The following COL23A1 variants were observed in gnomAD, a reference collection of about 807,000 sequenced individuals.
COL23A1 encodes the protein collagen type XXIII alpha 1 chain, also known as collagen alpha-1(XXIII) chain.
In COL23A1, 97 loss-of-function variants were observed where a neutral mutation model predicts 99.3. The ratio of observed to expected loss-of-function variants is 0.98; its 90% CI spans 0.83 to 1.16. The LOEUF is 1.16. COL23A1 is among the 50% of genes most tolerant of loss of function. The pLI is 0.00. For synonymous variants in COL23A1, 320 were observed against 308.2 expected, an observed-to-expected ratio of 1.04 and a Z score of -0.40; for missense variants, 762 against 757.4, an observed-to-expected ratio of 1.01 and a Z score of -0.07.
At chr5:178,298,938 G>GT (rs1757890432) in intron 3 of COL23A1, among the ~76,000 whole-genome samples, 1 of 152,192 alleles carries the variant, frequency 6.6e-6, no homozygotes, top group South Asian at 2.1e-4. Flanking sequence ...CGATCATGTG[G>GT]TTTTATCTCT....
chr5:178,529,621 A>C (rs985293963), intron 2 of COL23A1, among the ~76,000 whole-genome samples: 2 of 152,176 alleles, frequency 1.3e-5, no homozygotes, highest in African/African-American at 4.8e-5. Context: ...ACTGACCAAT[A>C]GAGGGACAGA....
rs1468612186 is a variant in COL23A1 at position 178,392,039 on chromosome 5, C to T, written c.362-85120G>A. 1.3e-5 allele frequency among the ~76,000 whole-genome samples: 2 copies of T among 151,400 alleles called. 1 individual carries two copies. Among genetic ancestry groups the T allele is most frequent in the East Asian group, 3.9e-4 (2 of 5,164 alleles). On this transcript the variant is annotated intron_variant, in intron 2 of 28. Coordinates refer to ENST00000390654, the MANE Select transcript of COL23A1 (RefSeq NM_173465.4). ...TCTGGAATAGGGAAATCTGTAGAGA[C>T]AGAAAGTAGATTAGTGGTTGCTGCG...
intron 2 of COL23A1, among the ~76,000 whole-genome samples, chr5:178,460,605 T>C (rs376175569): frequency 1.3e-5 from 2 of 152,194 alleles, no homozygotes; most frequent in East Asian, 1.9e-4. Context: ...GTTCCCACTG[T>C]TGAGCAGCCT....
intron 2 of COL23A1, among the ~76,000 whole-genome samples, chr5:178,556,179 GC>G (rs1670227894): frequency 6.6e-6 from 1 of 152,128 alleles, no homozygotes; most frequent in Non-Finnish European, 1.5e-5. Flanking sequence ...CCAAAACAAG[GC>G]AGCAGCTATC....
At chr5:178,322,685 C>T (rs1357881546) in intron 2 of COL23A1, among the ~76,000 whole-genome samples, 4 of 152,186 alleles carry the variant, frequency 2.6e-5, no homozygotes, top group East Asian at 1.9e-4. Context: ...CACTTTCCTC[C>T]GTCTCAAAAT....
intron 7 of COL23A1, among the ~76,000 whole-genome samples, chr5:178,267,800 G>A (rs970255747): frequency 4.6e-5 from 7 of 152,174 alleles, no homozygotes; most frequent in Admixed American, 1.3e-4. Context: ...AGCCAAGGCC[G>A]GCAGGAAGGT....
chr5:178,256,887 C>T lies in COL23A1; in HGVS notation c.816G>A (p.Val272=). The change falls in exon 14 of 29, where the codon GTG becomes GTA. Residue 272 remains valine (V), a synonymous_variant. Transcript: ENST00000390654. ...GSMGPRGENG[V]DGAPGPKGEP... ...TCACCTTCGGTCCTGGGGCACCGTC[C>T]ACACCGTTCTCTCCCCGAGGCCCCA... is the stretch of plus-strand genomic sequence containing the variant. 1 of 1,613,520 alleles carries T rather than the reference C, an allele frequency of 6.2e-7. No homozygotes were observed. The highest frequency in any genetic ancestry group is 8.5e-7 in the Non-Finnish European group (1 of 1,179,814).
rs1189340779 is a variant in COL23A1 at position 178,313,040 on chromosome 5, T to C, written c.362-6121A>G. 6.6e-6 allele frequency among the ~76,000 whole-genome samples: 1 copy of C among 152,158 alleles called. No homozygotes were observed. The highest frequency in any genetic ancestry group is 1.5e-5 in the Non-Finnish European group (1 of 68,026). ...GAGAGGAAGGAGTTCCTGCGCACGC[T>C]GCAGCATGATGGGCCTGGAGGACGT... On this transcript the variant is annotated intron_variant, in intron 2 of 28. Coordinates refer to ENST00000390654, the MANE Select transcript of COL23A1 (RefSeq NM_173465.4). The surrounding 1 kb of genome is among the most constrained non-coding windows in gnomAD (Gnocchi z 4.2).
Position 178,263,131 on chromosome 5 carries a change from G to A in COL23A1, c.639+77C>T, listed in dbSNP as rs193067385. The A allele has an allele frequency of 4.8e-5, 49 of 1,026,374 alleles. No homozygotes were observed. The African/African-American group carries it at 7.4e-4, about 15-fold the overall frequency. The allele number at this position is 1,026,374 out of a possible 1,614,324, so 63.6% of individuals were successfully genotyped here. A position where few individuals can be genotyped will look rare whatever the true frequency, so the allele number is the denominator to read the frequency against. On this transcript the variant is annotated intron_variant, in intron 9 of 28. Coordinates refer to ENST00000390654, the MANE Select transcript of COL23A1 (RefSeq NM_173465.4). ...GGGTCTGCACTAGAGATGGGGATGG[G>A]GATGGGGCTGGCTCTGGAATCAGGA...
intron 3 of COL23A1, among the ~76,000 whole-genome samples, chr5:178,297,625 C>T (rs993861908): frequency 8.5e-5 from 13 of 152,220 alleles, no homozygotes; most frequent in African/African-American, 2.7e-4. Context: ...TGCACTGTTG[C>T]AATCGGTAGT....
At chr5:178,588,885 G>A (rs1351341978) in intron 1 of COL23A1, among the ~76,000 whole-genome samples, 1 of 152,200 alleles carries the variant, frequency 6.6e-6, no homozygotes, top group Non-Finnish European at 1.5e-5. Context: ...AACCCTGCCT[G>A]TTTTCACACA....
intron 2 of COL23A1, among the ~76,000 whole-genome samples, chr5:178,549,588 G>A (rs1389240900): frequency 6.6e-6 from 1 of 152,032 alleles, no homozygotes; most frequent in Non-Finnish European, 1.5e-5. Flanking sequence ...GGCTGAGGTG[G>A]GCAGATCACC....
intron 1 of COL23A1, among the ~76,000 whole-genome samples, chr5:178,564,817 T>C (rs1300175515): frequency 6.6e-6 from 1 of 152,242 alleles, no homozygotes; most frequent in African/African-American, 2.4e-5. Context: ...GGTTTTGTTC[T>C]GAGGAAATAC....
chr5:178,254,308 G>A (rs1045978627), intron 16 of COL23A1, among the ~76,000 whole-genome samples: 1 of 152,206 alleles, frequency 6.6e-6, no homozygotes, highest in African/African-American at 2.4e-5. Flanking sequence ...CACCATGCAT[G>A]CCTGGGGGTG....
intron 11 of COL23A1, among the ~76,000 whole-genome samples, chr5:178,260,274 C>T (rs572296621): frequency 6.6e-6 from 1 of 152,184 alleles, no homozygotes; most frequent in Non-Finnish European, 1.5e-5. Flanking sequence ...GTCCTTCAGT[C>T]GGTGAGTGGG....
At chr5:178,262,033 A>G (rs910718793) in intron 10 of COL23A1, among the ~76,000 whole-genome samples, 184 bp downstream of exon 10, 1 of 152,222 alleles carries the variant, frequency 6.6e-6, no homozygotes, top group African/African-American at 2.4e-5. Context: ...CCATTTCCCC[A>G]GGGTGGCTGG....
At chr5:178,398,269 T>A (rs1764252912) in intron 2 of COL23A1, among the ~76,000 whole-genome samples, 3 of 152,222 alleles carry the variant, frequency 2.0e-5, no homozygotes, top group Non-Finnish European at 4.4e-5. Context: ...ACAGTCTTCA[T>A]GTGCTTTCAC....
intron 2 of COL23A1, among the ~76,000 whole-genome samples, chr5:178,517,070 C>T (rs1329730633): frequency 6.6e-6 from 1 of 152,114 alleles, no homozygotes; most frequent in Non-Finnish European, 1.5e-5. Context: ...ACAACCACAT[C>T]CATCCTCCCA....
intron 2 of COL23A1, among the ~76,000 whole-genome samples, chr5:178,495,721 T>C (rs764094697): frequency 5.9e-5 from 9 of 151,914 alleles, no homozygotes; most frequent in Non-Finnish European, 1.3e-4. Flanking sequence ...AGCTGCAATA[T>C]GAAAATAGTG....
Sources: gnomAD v4.1 joint callset for allele counts (sites outside exome capture counted in the v4.1 genomes callset) on GRCh38, gnomAD v4.1.1 for gene constraint, Gnocchi (gnomAD v3.1) non-coding constraint, MANE v1.5 for transcripts, NCBI Gene and HGNC (gene_info 2026-07-23, HGNC 2026-07-21) for gene names.